The following PAK1 variants were observed in gnomAD, a reference collection of about 807,000 sequenced individuals.
The protein encoded by PAK1 is serine/threonine-protein kinase PAK 1.
In PAK1, 29 loss-of-function variants were observed where a neutral mutation model predicts 67.4. The ratio of observed to expected loss-of-function variants is 0.43; its 90% CI spans 0.32 to 0.59. The LOEUF is 0.59. Ranked by LOEUF, PAK1 falls within the 20% of genes least tolerant of loss-of-function variation. The pLI, the probability that PAK1 is intolerant of heterozygous loss-of-function variation, is 0.07. For missense variants in PAK1, 337 were observed against 670.7 expected, an observed-to-expected ratio of 0.50 and a Z score of 5.50; for synonymous variants, 223 against 237.4, an observed-to-expected ratio of 0.94 and a Z score of 0.56.
chr11:77,482,408 T>C, the PAK1 span, among the ~76,000 whole-genome samples: 12 of 152,166 alleles, frequency 7.9e-5, no homozygotes, highest in African/African-American at 2.9e-4. Context: ...TTTTAATGAT[T>C]ATCCTTAAAA....
At chr11:77,498,217 T>G in the PAK1 span, among the ~76,000 whole-genome samples, 2 of 152,212 alleles carry the variant, frequency 1.3e-5, no homozygotes, top group African/African-American at 2.4e-5. Context: ...TGTAATATGT[T>G]AACATTAGGG....
At chr11:77,371,015 C>T (rs1292278328) in intron 5 of PAK1, among the ~76,000 whole-genome samples, 2 of 152,180 alleles carry the variant, frequency 1.3e-5, no homozygotes, top group African/African-American at 2.4e-5. Flanking sequence ...TTACTTAACA[C>T]TATATTATAA....
chr11:77,417,853 G>T (rs980070918), intron 1 of PAK1, among the ~76,000 whole-genome samples: 6 of 151,580 alleles, frequency 4.0e-5, no homozygotes, highest in African/African-American at 1.5e-4. Context: ...TCGTGCCTCA[G>T]CCTCCCGAGT....
chr11:77,439,318 A>G (rs1405397948), intron 1 of PAK1, among the ~76,000 whole-genome samples: 1 of 152,182 alleles, frequency 6.6e-6, no homozygotes, highest in Non-Finnish European at 1.5e-5. Flanking sequence ...AACCAAGAAA[A>G]TAACTGCTTC....
chr11:77,360,399 C>T (rs150547389), intron 5 of PAK1, among the ~76,000 whole-genome samples: 35 of 152,216 alleles, frequency 2.3e-4, no homozygotes, highest in African/African-American at 7.9e-4. Flanking sequence ...GACCTTAAAT[C>T]GCTTTAAGTT....
the PAK1 span, among the ~76,000 whole-genome samples, chr11:77,524,803 T>C: frequency 6.6e-6 from 1 of 152,210 alleles, no homozygotes; most frequent in Non-Finnish European, 1.5e-5. Context: ...TTTTGCTTTA[T>C]CTTTAGCACA....
intron 10 of PAK1, among the ~76,000 whole-genome samples, chr11:77,341,230 C>T (rs1348263176): frequency 6.6e-6 from 1 of 152,138 alleles, no homozygotes; most frequent in East Asian, 1.9e-4. Flanking sequence ...AGTATTGGGT[C>T]TTGTTCAAGA....
intron 14 of PAK1, among the ~76,000 whole-genome samples, chr11:77,325,085 CCAA>C (rs1321668036): frequency 6.6e-6 from 1 of 152,180 alleles, no homozygotes; most frequent in Admixed American, 6.5e-5. Flanking sequence ...ACAATGTACA[CCAA>C]CAAGTTAAAA....
At chr11:77,469,716 G>A (rs1957763141) in intron 1 of PAK1, among the ~76,000 whole-genome samples, 1 of 149,178 alleles carries the variant, frequency 6.7e-6, no homozygotes, top group Non-Finnish European at 1.5e-5. Flanking sequence ...AATGGGCATA[G>A]AAAATGACCC....
At chr11:77,473,167 C>T (rs1005067301) in intron 1 of PAK1, among the ~76,000 whole-genome samples, 2 of 152,358 alleles carry the variant, frequency 1.3e-5, no homozygotes, top group Middle Eastern at 3.4e-3. Flanking sequence ...TGCTGTGCCT[C>T]CTCGTAGCGG....
chr11:77,428,098 A>C (rs12295046), intron 1 of PAK1, among the ~76,000 whole-genome samples: 7,874 of 152,302 alleles, frequency 0.052, 741 homozygotes, highest in African/African-American at 0.18. Context: ...CTTGAATGAC[A>C]GCCCAAGGAA....
chr11:77,499,756 T>C, the PAK1 span, among the ~76,000 whole-genome samples: 2 of 152,212 alleles, frequency 1.3e-5, no homozygotes, highest in African/African-American at 4.8e-5. Context: ...CCTGGATCCA[T>C]ATTGCTCCCT....
chr11:77,489,827 G>C, the PAK1 span, among the ~76,000 whole-genome samples: 1 of 152,084 alleles, frequency 6.6e-6, no homozygotes, highest in Non-Finnish European at 1.5e-5. Context: ...AGCCTGCCTT[G>C]GCCTCCCAAA....
At chr11:77,507,629 C>T in the PAK1 span, among the ~76,000 whole-genome samples, 4 of 152,068 alleles carry the variant, frequency 2.6e-5, no homozygotes, top group Admixed American at 2.6e-4. Context: ...TCAAGCAATC[C>T]TCCCAACTCA....
At position 77,473,667 on chromosome 11, in the gene PAK1, TGCC is replaced by T. The variant is rs887932247; in HGVS notation, c.-140_-138del. 20 of 144,790 alleles carry T rather than the reference TGCC, an allele frequency of 1.4e-4. No homozygotes were observed. Among genetic ancestry groups the T allele is most frequent in the Non-Finnish European group, 2.7e-4 (18 of 66,150 alleles). The allele number at this position is 144,790 out of a possible 1,614,324, so 9.0% of individuals were successfully genotyped here. A position where few individuals can be genotyped will look rare whatever the true frequency, so the allele number is the denominator to read the frequency against. On this transcript the variant is annotated 5_prime_UTR_variant, in exon 1 of 15. Coordinates refer to ENST00000356341, the MANE Select transcript of PAK1 (RefSeq NM_002576.5). ...AGCTACCGCTTCACTTTCTCCCTCC[TGCC>T]GCCGCCGCCGCGCTGCCCGTGGCGG...
Position 77,322,987 on chromosome 11 carries a change from G to A in PAK1, c.*287C>T, listed in dbSNP as rs1053911934. 2.1e-5 allele frequency: 13 copies of A among 610,790 alleles called. No individual in the cohort carries two copies. The highest frequency in any genetic ancestry group is 2.0e-4 in the African/African-American group (11 of 54,310). The allele number at this position is 610,790 out of a possible 1,614,324, so 37.8% of individuals were successfully genotyped here. On this transcript the variant is annotated 3_prime_UTR_variant, in exon 15 of 15. Transcript: ENST00000356341. ...GAGGTGAGGATTTTGACACACGGAAGACTAGAAACATTTATTTATATAAAC... is the reference window on the plus strand; with the variant it reads ...GAGGTGAGGATTTTGACACACGGAAAACTAGAAACATTTATTTATATAAAC...
intron 2 of PAK1, among the ~76,000 whole-genome samples, chr11:77,387,453 A>G (rs374971115): frequency 6.6e-6 from 1 of 152,196 alleles, no homozygotes; most frequent in East Asian, 1.9e-4. Flanking sequence ...GTTATGTTAC[A>G]ATGGAACAGA....
intron 1 of PAK1, among the ~76,000 whole-genome samples, chr11:77,421,829 A>G (rs149375271): frequency 1.3e-4 from 20 of 152,360 alleles, no homozygotes; most frequent in African/African-American, 3.1e-4. Context: ...GGAGAATTCT[A>G]TAAGAACATT....
chr11:77,415,976 G>GTATTATTATTAT (rs71043573), intron 1 of PAK1, among the ~76,000 whole-genome samples: 17,918 of 147,340 alleles, frequency 0.12, 1,230 homozygotes, highest in East Asian at 0.14. Flanking sequence ...TGTATTCTTT[G>GTATTATTATTAT]TATTATTATT....
Sources: gnomAD v4.1 joint callset for allele counts (sites outside exome capture counted in the v4.1 genomes callset) on GRCh38, gnomAD v4.1.1 for gene constraint, MANE v1.5 for transcripts, NCBI Gene and HGNC (gene_info 2026-07-23, HGNC 2026-07-21) for gene names.